NUP210L: variants seen among roughly 807,000 people sequenced by gnomAD.
The protein encoded by NUP210L is nucleoporin 210 like.
NUP210L carries 74 observed loss-of-function variants against 208.5 expected under a neutral mutation model. The observed-to-expected ratio is 0.35, with a 90% CI of 0.29 to 0.43. NUP210L has a LOEUF of 0.43. Ranked by LOEUF, NUP210L falls within the 20% of genes least tolerant of loss-of-function variation. NUP210L has a pLI of 1.00. For synonymous variants in NUP210L, 780 were observed against 816.9 expected, an observed-to-expected ratio of 0.95 and a Z score of 0.77; for missense variants, 1,843 against 2,289.4, an observed-to-expected ratio of 0.81 and a Z score of 3.98.
rs1325372025 is a variant in NUP210L at position 154,057,693 on chromosome 1, T to TGC, written c.3107+395_3107+396insGC. Among the ~76,000 whole-genome samples the TGC allele has an allele frequency of 3.8e-3, 378 of 99,644 alleles. 3 individuals carry two copies. The highest frequency in any genetic ancestry group is 3.7e-3 in the Non-Finnish European group (167 of 45,708). 65.4% of individuals were successfully genotyped at this position (99,644 alleles called of 152,430 possible). A position where few individuals can be genotyped will look rare whatever the true frequency, so the allele number is the denominator to read the frequency against. On this transcript the variant is annotated intron_variant, in intron 22 of 39. Coordinates refer to ENST00000368559, the Ensembl canonical transcript of NUP210L. ...ACAAGGCATCTGAGGACCTCGAATG[T>TGC]GTGTGTGTGTGTGTGTGTGTGTGTG... is the stretch of plus-strand genomic sequence containing the variant.
intron 37 of NUP210L, among the ~76,000 whole-genome samples, chr1:153,996,965 C>CT (rs1001163300): frequency 7.4e-5 from 11 of 148,230 alleles, no homozygotes; most frequent in Admixed American, 2.1e-4. Flanking sequence ...TCATGTCCGA[C>CT]TTTTTTTTTG....
chr1:154,064,075 T>C (rs1474264417), intron 17 of NUP210L, among the ~76,000 whole-genome samples: 2 of 151,774 alleles, frequency 1.3e-5, no homozygotes, highest in Non-Finnish European at 2.9e-5. Context: ...TATTTTTTAA[T>C]AGAGGTGGTG....
At chr1:154,049,704 T>C (rs1193772987) in intron 25 of NUP210L, among the ~76,000 whole-genome samples, 1 of 152,224 alleles carries the variant, frequency 6.6e-6, no homozygotes, top group African/African-American at 2.4e-5. Flanking sequence ...CTTAGAGTCA[T>C]TAATTCAGTT....
At chr1:154,092,009 T>C (rs1188664730) in intron 15 of NUP210L, among the ~76,000 whole-genome samples, 1 of 151,562 alleles carries the variant, frequency 6.6e-6, no homozygotes, top group Admixed American at 6.6e-5. Context: ...TTGCCAAAAT[T>C]ACAGAGACAG....
chr1:154,005,453 T>C (rs886490861), intron 35 of NUP210L, among the ~76,000 whole-genome samples: 2 of 151,658 alleles, frequency 1.3e-5, no homozygotes, highest in Non-Finnish European at 2.9e-5. Flanking sequence ...GGTCTTGAAC[T>C]CCTGACCTCA....
chr1:154,009,995 T>C, exon 35 of NUP210L: 2 of 1,612,482 alleles, frequency 1.2e-6, no homozygotes, highest in Non-Finnish European at 1.7e-6. Flanking sequence ...GAAATCTGAA[T>C]GGACCTGAAA....
At chr1:154,086,531 C>T (rs2148039806) in intron 16 of NUP210L, among the ~76,000 whole-genome samples, 1 of 152,182 alleles carries the variant, frequency 6.6e-6, no homozygotes, top group Middle Eastern at 3.4e-3. Flanking sequence ...AAAAGTGAGG[C>T]CAAGCATGGT....
At chr1:154,096,448 A>T (rs2148056196) in intron 14 of NUP210L, among the ~76,000 whole-genome samples, 1 of 152,310 alleles carries the variant, frequency 6.6e-6, no homozygotes, top group East Asian at 1.9e-4. Context: ...GAGTAGGTAA[A>T]GAATATAATA....
intron 35 of NUP210L, 57 bp from the exon 36 acceptor site, chr1:154,002,042 C>A: frequency 6.4e-7 from 1 of 1,565,530 alleles, no homozygotes. Flanking sequence ...ATTGAGCCAA[C>A]TGAATTAGGA....
chr1:154,053,349 C>T (rs1465582859), intron 25 of NUP210L, among the ~76,000 whole-genome samples: 1 of 152,208 alleles, frequency 6.6e-6, no homozygotes, highest in African/African-American at 2.4e-5. Flanking sequence ...ATCCTGACTT[C>T]TGAGAGAAGT....
At chr1:154,023,146 G>T in exon 31 of NUP210L, 1 of 1,613,910 alleles carries the variant, frequency 6.2e-7, no homozygotes, top group Non-Finnish European at 8.5e-7. Context: ...ATAAAGCTGG[G>T]TATTGTGTGT....
At chr1:154,093,179 A>C (rs1333708223) in intron 15 of NUP210L, among the ~76,000 whole-genome samples, 1 of 152,226 alleles carries the variant, frequency 6.6e-6, no homozygotes, top group Non-Finnish European at 1.5e-5. Flanking sequence ...CTGTAATCCC[A>C]GCACTTTGGG....
chr1:153,992,940 A>G lies in NUP210L; in HGVS notation c.5567-5T>C, dbSNP rs1450914791. The G allele has an allele frequency of 1.2e-6, 2 of 1,610,128 alleles. No homozygotes were observed. Among genetic ancestry groups the G allele is most frequent in the East Asian group, 2.2e-5 (1 of 44,838 alleles). On this transcript the variant is annotated splice_polypyrimidine_tract_variant and splice_region_variant and intron_variant, in intron 39 of 39. Transcript: ENST00000368559. ...AACTTGTGGAGTTAAAAAAACCTAG[A>G]AGAAGAGGGAAAAGTTGAGTGAATT... is the stretch of plus-strand genomic sequence containing the variant.
At chr1:154,026,132 G>A (rs1052685417) in intron 29 of NUP210L, among the ~76,000 whole-genome samples, 4 of 151,914 alleles carry the variant, frequency 2.6e-5, no homozygotes, top group African/African-American at 9.7e-5. Flanking sequence ...CTTCTCGGGA[G>A]GCTGAGGCAG....
intron 23 of NUP210L, 68 bp downstream of exon 23, chr1:154,056,747 C>T: frequency 6.8e-7 from 1 of 1,471,808 alleles, no homozygotes; most frequent in South Asian, 1.4e-5. Context: ...CTTGTATAAA[C>T]TAACAGAAAA....
rs531686877 is a variant in NUP210L, at chr1:154,096,604, T to C, written c.1966-1448A>G. ...GGTGAAATCCCATCTCTACTAAAAA[T>C]ACAAAATTAGCTGAGCATGGTGGTG... On this transcript the variant is annotated intron_variant, in intron 14 of 39. Transcript: ENST00000368559. 2.4e-4 allele frequency among the ~76,000 whole-genome samples: 36 copies of C among 151,178 alleles called. 1 individual carries two copies. The South Asian group carries it at 7.5e-3, about 32-fold the overall frequency.
At chr1:154,023,365 G>T (rs1037193512) in intron 30 of NUP210L, 68 bp from the exon 31 acceptor site, 2 of 1,217,350 alleles carry the variant, frequency 1.6e-6, no homozygotes, top group Non-Finnish European at 1.2e-6. Context: ...CATATTCTGA[G>T]ACTTATAATC....
intron 7 of NUP210L, among the ~76,000 whole-genome samples, chr1:154,131,585 CGTT>C (rs1215072769): frequency 6.6e-6 from 1 of 151,620 alleles, no homozygotes; most frequent in East Asian, 1.9e-4. Context: ...AAAAAGTATT[CGTT>C]GTGTCTTTTT....
chr1:154,071,956 G>A (rs1654757821), intron 16 of NUP210L, among the ~76,000 whole-genome samples: 1 of 150,468 alleles, frequency 6.6e-6, no homozygotes, highest in Admixed American at 6.7e-5. Context: ...CCTTTATATG[G>A]CTGAGTAGTA....
Sources: allele counts gnomAD v4.1 joint callset (sites outside exome capture counted in the v4.1 genomes callset), GRCh38; gene constraint gnomAD v4.1.1; transcripts MANE v1.5; gene names NCBI Gene and HGNC (gene_info 2026-07-23, HGNC 2026-07-21).